Variants in THSD7B observed in about 807,000 individuals in gnomAD.
THSD7B encodes thrombospondin type-1 domain-containing protein 7B.
A neutral mutation model predicts 213.6 loss-of-function variants in THSD7B; 138 were observed. The ratio of observed to expected loss-of-function variants is 0.65; its 90% CI spans 0.56 to 0.74. The LOEUF is 0.74. Among genes scored for constraint, THSD7B ranks in the 30% least tolerant of loss-of-function variants. The probability of loss-of-function intolerance (pLI) is 0.00; values close to 1 mark genes in which losing one functional copy is unlikely to be tolerated. For missense variants in THSD7B, 1,931 were observed against 1,991.5 expected, an observed-to-expected ratio of 0.97 and a Z score of 0.58; for synonymous variants, 742 against 687.0, an observed-to-expected ratio of 1.08 and a Z score of -1.25.
intron 1 of THSD7B, among the ~76,000 whole-genome samples, chr2:136,779,840 T>C (rs1244635738): frequency 6.6e-6 from 1 of 152,232 alleles, no homozygotes; most frequent in Non-Finnish European, 1.5e-5. Flanking sequence ...AAACTGGTTA[T>C]TGACGCAAAT....
At chr2:137,470,910 C>CTTTTTTT (rs70978226) in intron 15 of THSD7B, among the ~76,000 whole-genome samples, 2 of 119,820 alleles carry the variant, frequency 1.7e-5, no homozygotes, top group Non-Finnish European at 1.7e-5. Flanking sequence ...TTTTTCTTTA[C>CTTTTTTT]TTTTTTTTTT....
intron 2 of THSD7B, among the ~76,000 whole-genome samples, chr2:136,992,204 A>G (rs1685799944): frequency 6.6e-6 from 1 of 152,254 alleles, no homozygotes; most frequent in Admixed American, 6.5e-5. Context: ...TTTCACAATA[A>G]TCTTCCTTCT....
chr2:137,043,715 G>T (rs1211586377), intron 2 of THSD7B, among the ~76,000 whole-genome samples: 1 of 152,092 alleles, frequency 6.6e-6, no homozygotes, highest in Non-Finnish European at 1.5e-5. Context: ...TTGACGTTTT[G>T]CTCTATTACA....
intron 17 of THSD7B, among the ~76,000 whole-genome samples, chr2:137,579,607 G>A (rs149883886): frequency 2.0e-5 from 3 of 152,270 alleles, no homozygotes; most frequent in African/African-American, 4.8e-5. Flanking sequence ...ATTACTGACA[G>A]ATGCACTTTC....
chr2:137,276,380 T>C lies in THSD7B; in HGVS notation c.2500+354T>C, dbSNP rs138832139. 1.3e-5 allele frequency among the ~76,000 whole-genome samples: 2 copies of C among 152,186 alleles called. 1 individual carries two copies. Among genetic ancestry groups the C allele is most frequent in the East Asian group, 3.9e-4 (2 of 5,178 alleles). Reference sequence around the variant, plus strand: ...TCAACTGTCTGTATACCTTAGATTTTTTGGTGCTAATTAAATATTTGTTGA... The same window carrying C: ...TCAACTGTCTGTATACCTTAGATTTCTTGGTGCTAATTAAATATTTGTTGA... On this transcript the variant is annotated intron_variant, in intron 12 of 27. Transcript: ENST00000409968.
chr2:136,937,690 T>A (rs1048669814), intron 2 of THSD7B, among the ~76,000 whole-genome samples: 1 of 152,164 alleles, frequency 6.6e-6, no homozygotes, highest in African/African-American at 2.4e-5. Context: ...TATTCACTTA[T>A]CTGCTTCATA....
At chr2:137,184,676 A>AT (rs1174985552) in intron 7 of THSD7B, among the ~76,000 whole-genome samples, 14 of 152,298 alleles carry the variant, frequency 9.2e-5, no homozygotes, top group African/African-American at 3.4e-4. Context: ...CATATGTCTA[A>AT]GTCTATATCT....
intron 3 of THSD7B, among the ~76,000 whole-genome samples, chr2:137,084,805 T>A (rs1558914628): frequency 6.6e-6 from 1 of 152,210 alleles, no homozygotes; most frequent in Non-Finnish European, 1.5e-5. Context: ...TAAACACTTA[T>A]TTTAACAAAT....
chr2:136,988,334 G>A (rs1685703778), intron 2 of THSD7B, among the ~76,000 whole-genome samples: 1 of 152,236 alleles, frequency 6.6e-6, no homozygotes, highest in African/African-American at 2.4e-5. Context: ...TGATTTGTAA[G>A]TCTTCTGATT....
chr2:136,900,489 CTT>C (rs1174077436), intron 2 of THSD7B, among the ~76,000 whole-genome samples: 2 of 152,028 alleles, frequency 1.3e-5, no homozygotes, highest in East Asian at 1.9e-4. Context: ...AACAAAATCT[CTT>C]TGTATTTTTG....
chr2:137,220,393 A>G (rs1225784942), intron 7 of THSD7B, among the ~76,000 whole-genome samples: 1 of 152,240 alleles, frequency 6.6e-6, no homozygotes, highest in African/African-American at 2.4e-5. Context: ...CTCTTCACCA[A>G]AGATATACGG....
intron 7 of THSD7B, among the ~76,000 whole-genome samples, chr2:137,192,344 A>T (rs1444187373): frequency 6.6e-6 from 1 of 152,210 alleles, no homozygotes; most frequent in African/African-American, 2.4e-5. Context: ...TAGAAAGGGT[A>T]TGAGCAAGGA....
chr2:137,145,656 C>A (rs902516172), intron 5 of THSD7B, among the ~76,000 whole-genome samples: 1 of 151,808 alleles, frequency 6.6e-6, no homozygotes, highest in Non-Finnish European at 1.5e-5. Context: ...TGGGCTTCAT[C>A]GATTTGAACA....
At chr2:137,317,641 C>A (rs141121105) in intron 12 of THSD7B, among the ~76,000 whole-genome samples, 1 of 152,018 alleles carries the variant, frequency 6.6e-6, no homozygotes, top group Non-Finnish European at 1.5e-5. Context: ...TGGCTCCTGG[C>A]GATATAATTA....
At chr2:136,806,021 C>A (rs779328888) in intron 1 of THSD7B, among the ~76,000 whole-genome samples, 1 of 152,200 alleles carries the variant, frequency 6.6e-6, no homozygotes, top group Non-Finnish European at 1.5e-5. Context: ...GCTGTTGTCA[C>A]TCAGTGCTGG....
intron 2 of THSD7B, among the ~76,000 whole-genome samples, chr2:136,948,491 C>CA (rs910154729): frequency 5.9e-5 from 9 of 151,964 alleles, no homozygotes; most frequent in African/African-American, 2.2e-4. Context: ...CACACATACA[C>CA]ACACCCCTCT....
intron 12 of THSD7B, among the ~76,000 whole-genome samples, chr2:137,321,252 A>G (rs1684259745): frequency 6.6e-6 from 1 of 152,192 alleles, no homozygotes; most frequent in Admixed American, 6.5e-5. Context: ...TAAATTATGT[A>G]TGGTGTAGAA....
intron 3 of THSD7B, among the ~76,000 whole-genome samples, chr2:137,084,388 A>T (rs1355572650): frequency 6.6e-6 from 1 of 152,212 alleles, no homozygotes. Context: ...AGCTGAGTGG[A>T]GAAAGTAGAA....
chr2:136,953,501 C>A (rs1211536803), intron 2 of THSD7B, among the ~76,000 whole-genome samples: 3 of 152,002 alleles, frequency 2.0e-5, no homozygotes, highest in Non-Finnish European at 2.9e-5. Context: ...ATAAGTATAT[C>A]CTTTTCTTGT....
Sources: allele counts gnomAD v4.1 joint callset (sites outside exome capture counted in the v4.1 genomes callset), GRCh38; gene constraint gnomAD v4.1.1; transcripts MANE v1.5; gene names NCBI Gene and HGNC (gene_info 2026-07-23, HGNC 2026-07-21).